WWOX: variants seen among roughly 807,000 people sequenced by gnomAD.
The protein encoded by WWOX is WW domain-containing oxidoreductase.
Under a neutral mutation model 46.2 loss-of-function variants are expected in WWOX, and 69 were observed. That is an observed-to-expected ratio of 1.49 (90% CI 1.23 to 1.82). The LOEUF is 1.82. Ranked by LOEUF, WWOX falls within the 40% of genes most tolerant of loss-of-function variation. The probability of loss-of-function intolerance (pLI) is 0.00; values close to 1 mark genes in which losing one functional copy is unlikely to be tolerated. For synonymous variants in WWOX, 359 were observed against 202.6 expected (o/e 1.77, Z -6.56); for missense variants, 919 against 542.6 (o/e 1.69, Z -6.89).
chr16:78,603,320 A>G (rs934365411), intron 8 of WWOX, among the ~76,000 whole-genome samples: 1 of 152,196 alleles, frequency 6.6e-6, no homozygotes, highest in African/African-American at 2.4e-5. Context: ...CACCAGCATC[A>G]ACTGCACCAA....
intron 8 of WWOX, among the ~76,000 whole-genome samples, chr16:79,065,601 A>G (rs748957055): frequency 6.6e-6 from 1 of 152,194 alleles, no homozygotes; most frequent in Non-Finnish European, 1.5e-5. Context: ...CTACAGGAAT[A>G]ATTGGGGAAG....
chr16:79,066,008 C>T (rs534007650), intron 8 of WWOX, among the ~76,000 whole-genome samples: 2 of 152,342 alleles, frequency 1.3e-5, no homozygotes, highest in East Asian at 1.9e-4. Flanking sequence ...CTGCCTTGGA[C>T]ATTAAAGTCC....
At chr16:78,666,678 C>T (rs1439424303) in intron 8 of WWOX, among the ~76,000 whole-genome samples, 1 of 152,162 alleles carries the variant, frequency 6.6e-6, no homozygotes, top group African/African-American at 2.4e-5. Context: ...GGCCATCGTG[C>T]AGTAAAGAGC....
chr16:78,605,477 T>G (rs2045733974), intron 8 of WWOX, among the ~76,000 whole-genome samples: 1 of 152,168 alleles, frequency 6.6e-6, no homozygotes, highest in Non-Finnish European at 1.5e-5. Flanking sequence ...TATTTTTTTT[T>G]TCTTTCCCTT....
intron 6 of WWOX, among the ~76,000 whole-genome samples, chr16:78,393,964 C>A (rs1400907166): frequency 6.6e-6 from 1 of 152,070 alleles, no homozygotes; most frequent in Admixed American, 6.5e-5. Context: ...AAATTACTTT[C>A]AGAACTTGAA....
chr16:78,422,734 C>CACACACATATAT (rs2082969453), intron 6 of WWOX, among the ~76,000 whole-genome samples: 2 of 86,048 alleles, frequency 2.3e-5, no homozygotes, highest in African/African-American at 2.0e-4. Context: ...TATATATACA[C>CACACACATATAT]ACACATATAT....
intron 8 of WWOX, among the ~76,000 whole-genome samples, chr16:78,990,021 A>T (rs1231223267): frequency 6.6e-6 from 1 of 151,760 alleles, no homozygotes; most frequent in African/African-American, 2.4e-5. Flanking sequence ...TCATCTCTAC[A>T]AAAAATACAA....
At chr16:78,595,349 T>C (rs2045463055) in intron 8 of WWOX, among the ~76,000 whole-genome samples, 1 of 152,008 alleles carries the variant, frequency 6.6e-6, no homozygotes. Flanking sequence ...CTTGCTCACA[T>C]GTGAGTCTTC....
chr16:78,886,241 A>T (rs10451156), intron 8 of WWOX, among the ~76,000 whole-genome samples: 5,280 of 138,664 alleles, frequency 0.038, 200 homozygotes, highest in Admixed American at 0.098. Flanking sequence ...TTTTTTTTTT[A>T]AAGTATACCC....
At chr16:78,528,258 C>T (rs2043531208) in intron 8 of WWOX, among the ~76,000 whole-genome samples, 1 of 146,602 alleles carries the variant, frequency 6.8e-6, no homozygotes, top group Admixed American at 6.9e-5. Flanking sequence ...TCGTAATCCG[C>T]CCACCTCGGC....
At chr16:79,015,032 G>A (rs1244942270) in intron 8 of WWOX, among the ~76,000 whole-genome samples, 1 of 152,194 alleles carries the variant, frequency 6.6e-6, no homozygotes, top group Non-Finnish European at 1.5e-5. Context: ...GACTACGTGT[G>A]ACATGAAAGG....
At chr16:78,997,021 T>A (rs2047003777) in intron 8 of WWOX, among the ~76,000 whole-genome samples, 2 of 152,232 alleles carry the variant, frequency 1.3e-5, no homozygotes, top group Non-Finnish European at 2.9e-5. Flanking sequence ...TGGCAAGTCC[T>A]GTCTGCTGAT....
At chr16:78,184,804 C>T (rs767910739) in intron 5 of WWOX, among the ~76,000 whole-genome samples, 1 of 152,110 alleles carries the variant, frequency 6.6e-6, no homozygotes, top group African/African-American at 2.4e-5. Flanking sequence ...GGGAAAGAAT[C>T]GTTGATGTCA....
intron 8 of WWOX, among the ~76,000 whole-genome samples, chr16:78,435,721 C>T (rs1382981880): frequency 6.6e-6 from 1 of 152,168 alleles, no homozygotes; most frequent in African/African-American, 2.4e-5. Context: ...GTGGACCTCA[C>T]AGCTCTCCTG....
intron 8 of WWOX, among the ~76,000 whole-genome samples, chr16:78,725,988 C>G (rs137894112): frequency 6.7e-6 from 1 of 148,814 alleles, no homozygotes; most frequent in Non-Finnish European, 1.5e-5. Context: ...TTCTCCTTCT[C>G]CTCCTTCTCC....
chr16:78,628,364 C>T (rs1042626091), intron 8 of WWOX, among the ~76,000 whole-genome samples: 2 of 152,134 alleles, frequency 1.3e-5, no homozygotes, highest in African/African-American at 4.8e-5. Context: ...TCTAAATATA[C>T]ATTCCCAAGC....
intron 8 of WWOX, among the ~76,000 whole-genome samples, chr16:78,444,539 T>TG (rs1247641604): frequency 6.7e-6 from 1 of 148,826 alleles, no homozygotes; most frequent in Admixed American, 6.6e-5. Flanking sequence ...ATTCTTTTTT[T>TG]TTTTTTTTTG....
At chr16:78,726,112 T>TTCCTCCCTCCCTCCCTCCCTCCCTCC in intron 8 of WWOX, among the ~76,000 whole-genome samples, 1 of 74,636 alleles carries the variant, frequency 1.3e-5, no homozygotes, top group Admixed American at 1.7e-4. Flanking sequence ...TCCCTCCCTC[T>TTCCTCCCTCCCTCCCTCCCTCCCTCC]CTGCCTCCCT....
intron 8 of WWOX, among the ~76,000 whole-genome samples, chr16:79,053,017 G>C (rs540050224): frequency 6.6e-6 from 1 of 152,174 alleles, no homozygotes; most frequent in South Asian, 2.1e-4. Context: ...GCAAAAGCAG[G>C]TGGGAACAGG....
Sources: allele counts gnomAD v4.1 joint callset (sites outside exome capture counted in the v4.1 genomes callset), GRCh38; gene constraint gnomAD v4.1.1; transcripts MANE v1.5; gene names NCBI Gene and HGNC (gene_info 2026-07-23, HGNC 2026-07-21).